NBEA: variants seen among roughly 807,000 people sequenced by gnomAD.
NBEA encodes the protein lysosomal-trafficking regulator 2.
NBEA carries 44 observed loss-of-function variants against 343.4 expected under a neutral mutation model. That is an observed-to-expected ratio of 0.13 (90% CI 0.10 to 0.16). The LOEUF is 0.16. Among genes scored for constraint, NBEA ranks in the 10% least tolerant of loss-of-function variants. The pLI, the probability that NBEA is intolerant of heterozygous loss-of-function variation, is 1.00. For missense variants in NBEA, 2,555 were observed against 3,631.3 expected (o/e 0.70, Z 7.62); for synonymous variants, 1,175 against 1,238.7 (o/e 0.95, Z 1.08).
At chr13:35,370,850 C>G (rs1594383430) in intron 38 of NBEA, among the ~76,000 whole-genome samples, 1 of 151,836 alleles carries the variant, frequency 6.6e-6, no homozygotes, top group Non-Finnish European at 1.5e-5. Context: ...CTGGGAAAGA[C>G]TTTATTTCTC....
chr13:35,234,512 A>G (rs2075132742), intron 34 of NBEA, among the ~76,000 whole-genome samples: 1 of 152,202 alleles, frequency 6.6e-6, no homozygotes, highest in Non-Finnish European at 1.5e-5. Context: ...AAAACCAATA[A>G]TTAAAATTAA....
intron 1 of NBEA, among the ~76,000 whole-genome samples, chr13:34,994,295 G>A (rs1264043980): frequency 6.6e-6 from 1 of 151,270 alleles, no homozygotes; most frequent in Non-Finnish European, 1.5e-5. Context: ...TCAAAGGGAT[G>A]CCTTACATTA....
intron 35 of NBEA, among the ~76,000 whole-genome samples, chr13:35,293,719 A>G (rs2035941630): frequency 1.3e-5 from 2 of 152,006 alleles, no homozygotes; most frequent in African/African-American, 4.8e-5. Context: ...GTTTTCAAGT[A>G]AACTTCTTTA....
chr13:35,618,024 T>C (rs1289697707), intron 48 of NBEA, among the ~76,000 whole-genome samples: 1 of 152,226 alleles, frequency 6.6e-6, no homozygotes, highest in Non-Finnish European at 1.5e-5. Flanking sequence ...GGCTGGGTAA[T>C]TCATACAGGA....
chr13:35,540,006 GA>G (rs923882677), intron 41 of NBEA, among the ~76,000 whole-genome samples: 59 of 145,962 alleles, frequency 4.0e-4, no homozygotes, highest in Admixed American at 2.8e-4. Context: ...GTTAACTAGA[GA>G]AAAAAATATT....
chr13:35,163,307 C>T (rs1341126636), intron 23 of NBEA, among the ~76,000 whole-genome samples: 2 of 152,028 alleles, frequency 1.3e-5, no homozygotes, highest in Non-Finnish European at 2.9e-5. Context: ...ATTATTGACT[C>T]AATTTTGACC....
chr13:35,625,116 A>G (rs1038263287), intron 48 of NBEA, among the ~76,000 whole-genome samples: 3 of 152,196 alleles, frequency 2.0e-5, no homozygotes, highest in Non-Finnish European at 4.4e-5. Context: ...AAGTAAAACC[A>G]TAAATATAAA....
chr13:35,370,915 T>C (rs1184525876), intron 38 of NBEA, among the ~76,000 whole-genome samples: 1 of 151,946 alleles, frequency 6.6e-6, no homozygotes, highest in Non-Finnish European at 1.5e-5. Context: ...TGGCAGTTTT[T>C]TTTTTCTTTG....
chr13:35,304,339 G>C (rs1047666361), intron 35 of NBEA, among the ~76,000 whole-genome samples: 3 of 151,790 alleles, frequency 2.0e-5, no homozygotes, highest in Non-Finnish European at 4.4e-5. Flanking sequence ...CTCTGTGTGT[G>C]TGTGTGTGTG....
chr13:34,983,894 G>A (rs936351297), intron 1 of NBEA, among the ~76,000 whole-genome samples: 3 of 152,130 alleles, frequency 2.0e-5, no homozygotes, highest in Admixed American at 2.0e-4. Flanking sequence ...ATTTGTTTAA[G>A]TTCTTTGTAG....
intron 48 of NBEA, among the ~76,000 whole-genome samples, chr13:35,617,476 G>A (rs181394197): frequency 6.6e-6 from 1 of 152,132 alleles, no homozygotes; most frequent in Admixed American, 6.5e-5. Context: ...GAATAGAAAG[G>A]GAAAGCTACC....
chr13:35,525,414 G>A (rs1268099297), intron 41 of NBEA, among the ~76,000 whole-genome samples: 5 of 152,044 alleles, frequency 3.3e-5, no homozygotes, highest in African/African-American at 9.7e-5. Context: ...TTAGCCAGTC[G>A]TGGTGGCGCA....
At chr13:35,617,694 T>G (rs528551955) in intron 48 of NBEA, among the ~76,000 whole-genome samples, 5 of 152,174 alleles carry the variant, frequency 3.3e-5, no homozygotes, top group Non-Finnish European at 2.9e-5. Context: ...CAACTTGAAG[T>G]TTTCCTTCAT....
chr13:35,213,606 G>C (rs1298642367), intron 33 of NBEA, among the ~76,000 whole-genome samples: 1 of 144,238 alleles, frequency 6.9e-6, no homozygotes, highest in East Asian at 1.9e-4. Flanking sequence ...CATTTCCTTA[G>C]GTGTTCTTAT....
rs373669173 is a variant in NBEA at position 35,555,532 on chromosome 13, A to T, written c.6922+430A>T. Reference sequence around the variant, plus strand: ...GGTTACAGCATCTTTTTTTCTTAAAATCTTCAAATAAAAATACAAAATCAG... The same window carrying T: ...GGTTACAGCATCTTTTTTTCTTAAATTCTTCAAATAAAAATACAAAATCAG... On this transcript the variant is annotated intron_variant, in intron 44 of 58. Transcript: ENST00000379939. 3.3e-5 allele frequency among the ~76,000 whole-genome samples: 5 copies of T among 152,212 alleles called. No individual in the cohort carries two copies. In the East Asian group the frequency reaches 5.8e-4, roughly 18 times the overall value.
chr13:35,514,930 T>G (rs1310743163), intron 41 of NBEA, among the ~76,000 whole-genome samples: 1 of 152,204 alleles, frequency 6.6e-6, no homozygotes, highest in Non-Finnish European at 1.5e-5. Context: ...AATTGCTTGT[T>G]GTGCTTTTGG....
At chr13:35,191,584 T>TC (rs1173476538) in intron 30 of NBEA, among the ~76,000 whole-genome samples, 18 of 150,600 alleles carry the variant, frequency 1.2e-4, no homozygotes, top group Non-Finnish European at 1.3e-4. Flanking sequence ...GTATTTTTTT[T>TC]CCTCTTTGGA....
At chr13:35,065,898 T>C (rs1453848635) in intron 8 of NBEA, among the ~76,000 whole-genome samples, 1 of 152,164 alleles carries the variant, frequency 6.6e-6, no homozygotes, top group Non-Finnish European at 1.5e-5. Flanking sequence ...TATATCTGTC[T>C]TCATAAATTT....
rs115828837 is a variant in NBEA at position 35,653,660 on chromosome 13, G to A, written c.8036-1195G>A. On this transcript the variant is annotated intron_variant, in intron 53 of 58. Coordinates refer to ENST00000379939, the MANE Select transcript of NBEA (RefSeq NM_001385012.1). ...ATTCTTAGATTCAAATTCATCCTTC[G>A]TCTTTGAACCTGGAAATAAGATAAG... 9.5e-3 allele frequency among the ~76,000 whole-genome samples: 1,441 copies of A among 152,130 alleles called. 19 individuals carry two copies. Among genetic ancestry groups the A allele is most frequent in the African/African-American group, 0.033 (1,360 of 41,506 alleles).
Sources: gnomAD v4.1 joint callset for allele counts (sites outside exome capture counted in the v4.1 genomes callset) on GRCh38, gnomAD v4.1.1 for gene constraint, MANE v1.5 for transcripts, NCBI Gene and HGNC (gene_info 2026-07-23, HGNC 2026-07-21) for gene names.